B9D1: variants seen among roughly 807,000 people sequenced by gnomAD.
B9D1 encodes B9 domain containing 1, also known as B9 domain-containing protein 1.
B9D1 carries 20 observed loss-of-function variants against 26.1 expected under a neutral mutation model. The ratio of observed to expected loss-of-function variants is 0.77; its 90% CI spans 0.54 to 1.12. B9D1 has a LOEUF of 1.12. Among genes scored for constraint, B9D1 ranks in the 50% most tolerant of loss-of-function variants. B9D1 has a pLI of 0.00. For missense variants in B9D1, 260 were observed against 273.7 expected (o/e 0.95, Z 0.35); for synonymous variants, 105 against 103.1 (o/e 1.02, Z -0.11).
At chr17:19,350,102 A>C (rs1428407447) in intron 3 of B9D1, among the ~76,000 whole-genome samples, 1 of 151,278 alleles carries the variant, frequency 6.6e-6, no homozygotes, top group Non-Finnish European at 1.5e-5. Context: ...ACAGAGCGAA[A>C]TTCTGTCTCA....
chr17:19,349,166 C>T (rs1909264645), intron 3 of B9D1, among the ~76,000 whole-genome samples: 1 of 152,218 alleles, frequency 6.6e-6, no homozygotes, highest in African/African-American at 2.4e-5. Flanking sequence ...GAAAACATGG[C>T]ATTACCAATC....
chr17:19,354,299 T>C (rs147670619), intron 3 of B9D1, among the ~76,000 whole-genome samples: 5 of 152,350 alleles, frequency 3.3e-5, no homozygotes, highest in Non-Finnish European at 7.3e-5. Flanking sequence ...CTACTTGCTT[T>C]ACTGCCTCTC....
At chr17:19,353,512 C>T (rs925671373) in intron 3 of B9D1, among the ~76,000 whole-genome samples, 2 of 151,690 alleles carry the variant, frequency 1.3e-5, no homozygotes, top group Admixed American at 1.3e-4. Flanking sequence ...TAGTGGCAGG[C>T]GCCTGTAATC....
chr17:19,351,536 G>A (rs569221023), intron 3 of B9D1, among the ~76,000 whole-genome samples: 22 of 152,086 alleles, frequency 1.4e-4, no homozygotes, highest in Non-Finnish European at 2.9e-4. Context: ...TTCAATTCTA[G>A]GAGTTTGTGT....
intron 3 of B9D1, among the ~76,000 whole-genome samples, chr17:19,351,329 T>G (rs1358421111): frequency 6.6e-6 from 1 of 152,222 alleles, no homozygotes; most frequent in Non-Finnish European, 1.5e-5. Context: ...CTACTTCTCA[T>G]GATGTATTAT....
At chr17:19,375,171 T>C (rs1170276960) in intron 1 of B9D1, among the ~76,000 whole-genome samples, 1 of 152,034 alleles carries the variant, frequency 6.6e-6, no homozygotes, top group Non-Finnish European at 1.5e-5. Context: ...GTGCCTGTAG[T>C]CCTAGCTACT....
rs1319678928 is a variant in B9D1, at chr17:19,343,206, T to C, written c.*113A>G. 2.6e-6 allele frequency: 4 copies of C among 1,554,682 alleles called. No individual in the cohort carries two copies. The highest frequency in any genetic ancestry group is 3.5e-6 in the Non-Finnish European group (4 of 1,157,186). On this transcript the variant is annotated 3_prime_UTR_variant, in exon 7 of 7. Coordinates refer to ENST00000261499, the MANE Select transcript of B9D1 (RefSeq NM_015681.6). ...AAAATGAGACTTTATTATACAAAAC[T>C]ATTCTGTGTGCCCCCAGCTCTGGCC...
chr17:19,376,844 C>G (rs1217779633), intron 1 of B9D1, among the ~76,000 whole-genome samples: 5 of 144,592 alleles, frequency 3.5e-5, no homozygotes, highest in Non-Finnish European at 5.9e-5. Flanking sequence ...AATAAACAAC[C>G]AAAAAACCCT....
chr17:19,373,091 C>G (rs1424453816), intron 1 of B9D1, among the ~76,000 whole-genome samples: 2 of 152,176 alleles, frequency 1.3e-5, no homozygotes, highest in African/African-American at 4.8e-5. Flanking sequence ...CTCCCCTCCC[C>G]CACGCTGAGC....
intron 1 of B9D1, chr17:19,377,746 G>A: frequency 1.2e-6 from 1 of 806,542 alleles, no homozygotes; most frequent in Non-Finnish European, 1.5e-6. Context: ...CGAGGGCTCC[G>A]CCCACCCGCG....
intron 1 of B9D1, 74 bp downstream of exon 1, chr17:19,362,433 C>G: frequency 8.5e-7 from 1 of 1,176,716 alleles, no homozygotes; most frequent in Non-Finnish European, 1.2e-6. Flanking sequence ...GGCCACAGGG[C>G]AGCCCGGGGG....
At chr17:19,335,861 A>G (rs1489609950), downstream of B9D1, 1 of 157,984 alleles carries the variant, frequency 6.3e-6, no homozygotes, top group East Asian at 1.8e-4. Context: ...ACCAGAAAAG[A>G]CTTGCTTTTA....
chr17:19,355,246 T>C (rs1455026288), intron 3 of B9D1, among the ~76,000 whole-genome samples: 1 of 152,160 alleles, frequency 6.6e-6, no homozygotes, highest in African/African-American at 2.4e-5. Context: ...TTAAAAAATA[T>C]GGCCAGGCAT....
rs1008096451 is a variant in B9D1, at chr17:19,359,331, C to T, written c.132+989G>A. On this transcript the variant is annotated intron_variant, in intron 2 of 6. Coordinates refer to ENST00000261499, the MANE Select transcript of B9D1 (RefSeq NM_015681.6). This position sits in a 1 kb window ranked among gnomAD's most constrained non-coding sequence, Gnocchi z 5.0. ...TGCTCCAGCCACTCTCCTGCTGGCT[C>T]GCTCTCCAGTGGCCACACAGCCTCC... 6.6e-5 allele frequency among the ~76,000 whole-genome samples: 10 copies of T among 152,226 alleles called. No homozygotes were observed. The highest frequency in any genetic ancestry group is 2.4e-5 in the African/African-American group (1 of 41,454).
intron 6 of B9D1, 159 bp from the exon 7 acceptor site, chr17:19,343,620 C>T: frequency 6.3e-7 from 1 of 1,575,110 alleles, no homozygotes; most frequent in Non-Finnish European, 8.6e-7. Context: ...CCGGGACAGG[C>T]AGACATGACA....
upstream of B9D1, chr17:19,363,890 C>T (rs1432259319): frequency 1.3e-5 from 2 of 151,410 alleles, no homozygotes; most frequent in African/African-American, 4.8e-5. Flanking sequence ...CCAGTTCACA[C>T]ATCTGACAAG....
intron 1 of B9D1, among the ~76,000 whole-genome samples, chr17:19,374,607 T>C (rs1912026016): frequency 6.6e-6 from 1 of 152,236 alleles, no homozygotes; most frequent in Non-Finnish European, 1.5e-5. Flanking sequence ...ATTGCAGCAT[T>C]GTTTGCAATA....
upstream of B9D1, chr17:19,363,864 G>C (rs1392696141): frequency 6.6e-6 from 1 of 152,272 alleles, no homozygotes; most frequent in Non-Finnish European, 1.5e-5. Context: ...GATCAGGGGA[G>C]GGAGGCAGCG....
chr17:19,357,832 A>G lies in B9D1; in HGVS notation c.244+8T>C. The G allele has an allele frequency of 6.2e-7, 1 of 1,607,780 alleles. No individual in the cohort carries two copies. The highest frequency in any genetic ancestry group is 1.1e-5 in the South Asian group (1 of 90,932). On this transcript the variant is annotated splice_region_variant and intron_variant, in intron 3 of 6. Transcript: ENST00000261499. ...CCACCCTACCCCACAGGGCCCCTGC[A>G]GACTCACAGCCGTAGGGGTTGGTGC...
Sources: allele counts gnomAD v4.1 joint callset (sites outside exome capture counted in the v4.1 genomes callset), GRCh38; gene constraint gnomAD v4.1.1; non-coding constraint Gnocchi (gnomAD v3.1); transcripts MANE v1.5; gene names NCBI Gene and HGNC (gene_info 2026-07-23, HGNC 2026-07-21).